The following CUBN variants were observed in gnomAD, a reference collection of about 807,000 sequenced individuals.
CUBN encodes the protein cubilin, also known as 460 kDa receptor.
CUBN carries 282 observed loss-of-function variants against 405.3 expected under a neutral mutation model. That is an observed-to-expected ratio of 0.70 (90% CI 0.63 to 0.77). The LOEUF (loss-of-function observed/expected upper bound fraction) is 0.77, where lower values mean the gene tolerates loss of function less well. CUBN is among the 30% of genes least tolerant of loss of function. The probability of loss-of-function intolerance (pLI) is 0.00; values close to 1 mark genes in which losing one functional copy is unlikely to be tolerated. For missense variants in CUBN, 4,514 were observed against 4,475.2 expected (o/e 1.01, Z -0.25); for synonymous variants, 1,684 against 1,617.0 (o/e 1.04, Z -0.99).
intron 28 of CUBN, among the ~76,000 whole-genome samples, chr10:17,009,958 T>C (rs1321944060): frequency 5.3e-5 from 8 of 152,238 alleles, no homozygotes; most frequent in African/African-American, 1.7e-4. Flanking sequence ...ATACTGTCTT[T>C]CTACCATCTC....
intron 31 of CUBN, among the ~76,000 whole-genome samples, chr10:16,964,828 T>G (rs1348422797): frequency 6.6e-6 from 1 of 152,244 alleles, no homozygotes; most frequent in Non-Finnish European, 1.5e-5. Context: ...CTCCAAAGCA[T>G]CTGTTCATTG....
intron 17 of CUBN, among the ~76,000 whole-genome samples, chr10:17,072,930 T>G (rs1222218501): frequency 6.6e-6 from 1 of 152,052 alleles, no homozygotes; most frequent in Non-Finnish European, 1.5e-5. Flanking sequence ...ATAAATAAAA[T>G]TGAAAACATT....
At chr10:16,844,810 C>T (rs1199112952) in intron 60 of CUBN, among the ~76,000 whole-genome samples, 1 of 152,138 alleles carries the variant, frequency 6.6e-6, no homozygotes, top group South Asian at 2.1e-4. Context: ...CCCTACAATG[C>T]GTTGCAGGGG....
chr10:17,087,673 A>C (rs901708469), intron 15 of CUBN, among the ~76,000 whole-genome samples: 7 of 151,528 alleles, frequency 4.6e-5, no homozygotes, highest in African/African-American at 1.7e-4. Context: ...ATGGGTTTTC[A>C]CCATGTTGGC....
At chr10:17,108,451 GA>G (rs779921920) in intron 10 of CUBN, among the ~76,000 whole-genome samples, 4 of 151,898 alleles carry the variant, frequency 2.6e-5, no homozygotes, top group Non-Finnish European at 5.9e-5. Context: ...GCAAGTATAT[GA>G]CAAATTAATA....
chr10:16,932,695 G>A (rs2131593944), intron 40 of CUBN, among the ~76,000 whole-genome samples: 1 of 152,258 alleles, frequency 6.6e-6, no homozygotes, highest in African/African-American at 2.4e-5. Flanking sequence ...AAAGTGCTGG[G>A]ATTATGGTGT....
chr10:16,840,421 G>A lies in CUBN; in HGVS notation c.9941C>T (p.Pro3314Leu), dbSNP rs529911077. 37 of 1,614,088 alleles carry A rather than the reference G, an allele frequency of 2.3e-5. No homozygotes were observed. The highest frequency in any genetic ancestry group is 2.0e-4 in the South Asian group (18 of 91,080). Residue 3314 changes from proline to leucine, a missense_variant, in exon 62 of 67, where the codon CCG becomes CTG. Physicochemically the swap from Pro to Leu is moderately conservative, Grantham distance 98. Transcript: ENST00000377833. Reference sequence around the variant, plus strand: ...CACAGTTATCTTGACCTGCTGATGCGGAGGGGAATCAATGACCCAAGTACA... The same window carrying A: ...CACAGTTATCTTGACCTGCTGATGCAGAGGGGAATCAATGACCCAAGTACA... ...SICTWVIDSP[P>L]HQQVKITVWA...
intron 56 of CUBN, among the ~76,000 whole-genome samples, chr10:16,880,420 A>T (rs893490340): frequency 6.6e-6 from 1 of 152,226 alleles, no homozygotes; most frequent in African/African-American, 2.4e-5. Flanking sequence ...AAATGTCTGC[A>T]GCCATGTTTC....
chr10:16,858,205 A>T (rs901718537), intron 59 of CUBN, among the ~76,000 whole-genome samples: 2 of 152,252 alleles, frequency 1.3e-5, no homozygotes, highest in African/African-American at 4.8e-5. Context: ...GGAAAACTCA[A>T]CATAGTAAAG....
At chr10:16,889,927 C>T (rs1036162222) in intron 55 of CUBN, among the ~76,000 whole-genome samples, 2 of 75,580 alleles carry the variant, frequency 2.6e-5, no homozygotes, top group Admixed American at 2.5e-4. Context: ...CAGAGTGAGA[C>T]GCCGTGTCAA....
intron 6 of CUBN, 100 bp from the exon 7 acceptor site, chr10:17,115,697 G>A (rs572949962): frequency 3.0e-4 from 428 of 1,441,374 alleles, no homozygotes; most frequent in Non-Finnish European, 3.8e-4. Context: ...ACAAATCAAC[G>A]ATGTTAACTT....
chr10:17,050,667 G>A (rs942376396), intron 22 of CUBN, among the ~76,000 whole-genome samples: 2 of 152,068 alleles, frequency 1.3e-5, no homozygotes, highest in Non-Finnish European at 1.5e-5. Flanking sequence ...CCAGAATGGG[G>A]ATACCTCCTT....
intron 31 of CUBN, among the ~76,000 whole-genome samples, chr10:16,967,861 A>AGGAGAGACAGGGAGAGAGAGAGAG (rs1843440679): frequency 7.3e-6 from 1 of 136,552 alleles, no homozygotes; most frequent in Admixed American, 7.2e-5. Context: ...GAGAGAGAGA[A>AGGAGAGACAGGGAGAGAGAGAGAG]GGAGAGACAG....
chr10:17,111,009 A>C lies in CUBN; in HGVS notation c.925T>G (p.Cys309Gly). 1 of 1,614,176 alleles carries C rather than the reference A, an allele frequency of 6.2e-7. No homozygotes were observed. Among genetic ancestry groups the C allele is most frequent in the Non-Finnish European group, 8.5e-7 (1 of 1,180,012 alleles). The change falls in exon 9 of 67, where the codon TGT becomes GGT. Residue 309 changes from cysteine (C) to glycine (G), a missense_variant. Around this residue, in one of 5 missense-constraint regions of CUBN, gnomAD observed 1,448 missense variants for 1,388.0 expected, o/e 1.04. Coordinates refer to ENST00000377833, the MANE Select transcript of CUBN (RefSeq NM_001081.4). ...GAACAGCCGCCGTTATTTATCTCAC[A>C]TTCATTGATATCTTCGCAAATATAT... ...NGYICEDINECEINNGGCSVA... is the reference protein window; with the variant it reads ...NGYICEDINEGEINNGGCSVA...
intron 59 of CUBN, among the ~76,000 whole-genome samples, chr10:16,853,965 G>A (rs11254248): frequency 0.19 from 29,448 of 152,124 alleles, 6,265 homozygotes; most frequent in African/African-American, 0.53. Flanking sequence ...AAAAAGATAA[G>A]TGATAGTCCA....
rs761577575 is a variant in CUBN at position 16,913,981 on chromosome 10, C to G, written c.7363G>C (p.Asp2455His). Residue 2455 changes from aspartate to histidine, a missense_variant, in exon 48 of 67, where the codon GAT becomes CAT. Physicochemically the swap from Asp to His is moderately conservative, Grantham distance 81 (BLOSUM62 -1). This residue lies in a region of CUBN where 1,613 missense variants were observed against 1,542.8 expected (regional missense o/e 1.05). Coordinates refer to ENST00000377833, the MANE Select transcript of CUBN (RefSeq NM_001081.4). Reference sequence around the variant, plus strand: ...AATGTTCCAATAGAGCCCTGAAGATCCCCACCACACTCTGACGTGGGGAAA... The same window carrying G: ...AATGTTCCAATAGAGCCCTGAAGATGCCCACCACACTCTGACGTGGGGAAA... The part of the protein sequence containing the change: ...FESSMEECGG[D>H]LQGSIGTFTS... 6.2e-7 allele frequency: 1 copy of G among 1,613,986 alleles called. No homozygotes were observed. The highest frequency in any genetic ancestry group is 8.5e-7 in the Non-Finnish European group (1 of 1,180,008).
At position 17,010,013 on chromosome 10, in the gene CUBN, G is replaced by A. The variant is rs112533244; in HGVS notation, c.4168+9820C>T. Among the ~76,000 whole-genome samples the A allele has an allele frequency of 4.4e-4, 67 of 152,250 alleles. 2 individuals carry two copies. The South Asian group carries it at 0.013, about 29-fold the overall frequency. ...TTGCTCTCACCTTGTTCCTCAGAGCGGTCCATAGAGCAGCACCAGCAGCAT... is the reference window on the plus strand; with the variant it reads ...TTGCTCTCACCTTGTTCCTCAGAGCAGTCCATAGAGCAGCACCAGCAGCAT... On this transcript the variant is annotated intron_variant, in intron 28 of 66. Coordinates refer to ENST00000377833, the MANE Select transcript of CUBN (RefSeq NM_001081.4).
At chr10:17,001,418 C>T (rs779401894) in intron 28 of CUBN, among the ~76,000 whole-genome samples, 12 of 152,104 alleles carry the variant, frequency 7.9e-5, no homozygotes, top group Non-Finnish European at 1.6e-4. Context: ...CTGATTGGTC[C>T]GTTTTACAGG....
At chr10:17,014,248 C>A (rs1415290359) in intron 28 of CUBN, among the ~76,000 whole-genome samples, 1 of 152,096 alleles carries the variant, frequency 6.6e-6, no homozygotes, top group Non-Finnish European at 1.5e-5. Context: ...GTCTAAGGAC[C>A]CCAAGAGCTA....
Sources: allele counts gnomAD v4.1 joint callset (sites outside exome capture counted in the v4.1 genomes callset), GRCh38; gene constraint gnomAD v4.1.1; regional missense constraint gnomAD v4.1.1; transcripts MANE v1.5; gene names NCBI Gene and HGNC (gene_info 2026-07-23, HGNC 2026-07-21).